The following MXRA7 variants were observed in gnomAD, a reference collection of about 807,000 sequenced individuals.
MXRA7 encodes the protein matrix-remodeling-associated protein 7.
A neutral mutation model predicts 17.4 loss-of-function variants in MXRA7; 18 were observed. The ratio of observed to expected loss-of-function variants is 1.03; its 90% confidence interval spans 0.71 to 1.53. The LOEUF is 1.53. MXRA7 is among the 40% of genes most tolerant of loss of function. MXRA7 has a pLI of 0.00. For missense variants in MXRA7, 141 were observed against 209.3 expected, an observed-to-expected ratio of 0.67 and a Z score of 2.01; for synonymous variants, 70 against 101.7, an observed-to-expected ratio of 0.69 and a Z score of 1.87.
chr17:76,701,932 G>C (rs1797565489), intron 1 of MXRA7, among the ~76,000 whole-genome samples: 1 of 152,106 alleles, frequency 6.6e-6, no homozygotes, highest in South Asian at 2.1e-4. Flanking sequence ...CCTACAAAGA[G>C]GATTTAGAGG....
chr17:76,692,545 G>A (rs1277522731), intron 1 of MXRA7, among the ~76,000 whole-genome samples: 2 of 151,586 alleles, frequency 1.3e-5, no homozygotes, highest in Admixed American at 1.3e-4. Flanking sequence ...GGGCCACCGC[G>A]CCCGGCCTGG....
intron 1 of MXRA7, among the ~76,000 whole-genome samples, chr17:76,699,169 C>T (rs1033261568): frequency 1.3e-4 from 19 of 151,772 alleles, no homozygotes; most frequent in African/African-American, 4.6e-4. Flanking sequence ...TTTGGGGAGA[C>T]GGACTCATTC....
At chr17:76,687,414 T>C (rs1184053524) in intron 2 of MXRA7, among the ~76,000 whole-genome samples, 1 of 152,166 alleles carries the variant, frequency 6.6e-6, no homozygotes, top group Non-Finnish European at 1.5e-5. Flanking sequence ...TATGAAATAT[T>C]TCAAACATAC....
chr17:76,701,358 G>GT (rs201407798), intron 1 of MXRA7, among the ~76,000 whole-genome samples: 168 of 145,352 alleles, frequency 1.2e-3, no homozygotes, highest in Non-Finnish European at 1.9e-3. Flanking sequence ...GCTGAGCGTC[G>GT]GGGGGGTGGA....
intron 1 of MXRA7, among the ~76,000 whole-genome samples, chr17:76,698,387 C>A (rs927465160): frequency 1.4e-5 from 2 of 147,710 alleles, no homozygotes; most frequent in Non-Finnish European, 3.0e-5. Context: ...CAAAGCCCAG[C>A]TGGCGCCAGC....
chr17:76,705,192 GCT>G (rs2076642235), intron 1 of MXRA7, among the ~76,000 whole-genome samples: 1 of 152,066 alleles, frequency 6.6e-6, no homozygotes, highest in Non-Finnish European at 1.5e-5. Context: ...TGTAACCAAG[GCT>G]CTTTCTCTCT....
At chr17:76,702,669 A>T (rs61275506) in intron 1 of MXRA7, among the ~76,000 whole-genome samples, 82 of 151,662 alleles carry the variant, frequency 5.4e-4, no homozygotes, top group African/African-American at 1.9e-3. Flanking sequence ...GGCCTGTAAC[A>T]CGCGAAACTT....
chr17:76,679,473 G>C (rs1222028140), downstream of MXRA7: 2 of 371,892 alleles, frequency 5.4e-6, no homozygotes, highest in Non-Finnish European at 7.4e-6. Flanking sequence ...CTCTGCTGCA[G>C]AGTAAGAGGC....
chr17:76,691,541 G>A (rs1365460911), intron 1 of MXRA7, among the ~76,000 whole-genome samples: 2 of 152,132 alleles, frequency 1.3e-5, no homozygotes, highest in Non-Finnish European at 1.5e-5. Context: ...CTGTGGGACT[G>A]GGCCCTAACC....
chr17:76,700,804 G>GGAGA (rs148052394), intron 1 of MXRA7, among the ~76,000 whole-genome samples: 1 of 151,636 alleles, frequency 6.6e-6, no homozygotes, highest in Non-Finnish European at 1.5e-5. Flanking sequence ...ATGATACACT[G>GGAGA]GAGAGAGAGA....
chr17:76,693,650 G>A (rs188135395), intron 1 of MXRA7, among the ~76,000 whole-genome samples: 1 of 152,034 alleles, frequency 6.6e-6, no homozygotes, highest in Admixed American at 6.6e-5. Flanking sequence ...GTTTGAGACC[G>A]CCCTGGGCAA....
intron 1 of MXRA7, among the ~76,000 whole-genome samples, chr17:76,693,017 G>GA (rs67630436): frequency 1.3e-5 from 2 of 151,910 alleles, no homozygotes; most frequent in Non-Finnish European, 2.9e-5. Flanking sequence ...GAATTAAAAT[G>GA]AAAAAATCTA....
intron 1 of MXRA7, among the ~76,000 whole-genome samples, chr17:76,694,143 C>A (rs1307595921): frequency 6.6e-6 from 1 of 152,156 alleles, no homozygotes; most frequent in East Asian, 1.9e-4. Context: ...GGGACAAGGA[C>A]CCTCTGGGAC....
chr17:76,688,234 G>T (rs577773086), intron 1 of MXRA7, 58 bp from the exon 2 acceptor site: 5 of 1,606,770 alleles, frequency 3.1e-6, no homozygotes, highest in South Asian at 1.1e-5. Context: ...GGGAAGTGGT[G>T]GGGGGGCAGA....
rs56067261 is a variant in MXRA7, at chr17:76,707,291, C to CTTTTTT, written c.342+3308_342+3313dup. Among the ~76,000 whole-genome samples the CTTTTTT allele has an allele frequency of 9.6e-3, 922 of 96,016 alleles. 94 individuals carry two copies. Among genetic ancestry groups the CTTTTTT allele is most frequent in the East Asian group, 0.037 (98 of 2,640 alleles). The allele number at this position is 96,016 out of a possible 152,430, so 63.0% of individuals were successfully genotyped here. A position where few individuals can be genotyped will look rare whatever the true frequency, so the allele number is the denominator to read the frequency against. ...CACTGCCTTGCAGGAAGTCCCTACT[C>CTTTTTT]TTTTTTTTTTTTTTTTTTTTTTTTT... is the stretch of plus-strand genomic sequence containing the variant. On this transcript the variant is annotated intron_variant, in intron 1 of 3. Coordinates refer to ENST00000449428, the MANE Select transcript of MXRA7 (RefSeq NM_198530.4).
At chr17:76,684,589 T>A (rs545634500) in intron 3 of MXRA7, 2 of 360,764 alleles carry the variant, frequency 5.5e-6, no homozygotes, top group East Asian at 8.6e-5. Context: ...AAGCCATAGC[T>A]GCACTGCCCG....
At chr17:76,677,915 G>C (rs957811584), downstream of MXRA7, among the ~76,000 whole-genome samples, 5 of 152,194 alleles carry the variant, frequency 3.3e-5, no homozygotes, top group Admixed American at 1.3e-4. Context: ...CTAAAAACTG[G>C]GATGCGAAAT....
chr17:76,703,373 G>A (rs1291413777), intron 1 of MXRA7, among the ~76,000 whole-genome samples: 5 of 152,146 alleles, frequency 3.3e-5, no homozygotes, highest in Admixed American at 2.0e-4. Context: ...TGTAATCCCA[G>A]CATTTTGGGA....
chr17:76,683,224 G>C (rs1294511164), intron 3 of MXRA7, among the ~76,000 whole-genome samples: 1 of 152,236 alleles, frequency 6.6e-6, no homozygotes, highest in Non-Finnish European at 1.5e-5. Flanking sequence ...ATACTACTTA[G>C]ATTTGGGGGG....
Sources: gnomAD v4.1 joint callset for allele counts (sites outside exome capture counted in the v4.1 genomes callset) on GRCh38, gnomAD v4.1.1 for gene constraint, MANE v1.5 for transcripts, NCBI Gene and HGNC (gene_info 2026-07-23, HGNC 2026-07-21) for gene names.